The following PCDHA9 variants were observed in gnomAD, a reference collection of about 807,000 sequenced individuals.
PCDHA9 encodes the protein protocadherin alpha 9.
Under a neutral mutation model 62.0 loss-of-function variants are expected in PCDHA9, and 62 were observed. The observed-to-expected ratio is 1.00, with a 90% confidence interval of 0.81 to 1.23. The LOEUF (loss-of-function observed/expected upper bound fraction) is 1.23. Among genes scored for constraint, PCDHA9 ranks in the 50% most tolerant of loss-of-function variants. PCDHA9 has a pLI of 0.00. For missense variants in PCDHA9, 1,205 were observed against 1,249.8 expected, an observed-to-expected ratio of 0.96 and a Z score of 0.54; for synonymous variants, 557 against 567.6, an observed-to-expected ratio of 0.98 and a Z score of 0.27.
chr5:140,941,202 C>CCTTCCTTTCTTTCTTTCTTT lies in PCDHA9; in HGVS notation c.2395-37744_2395-37743insCCTTTCTTTCTTTCTTTCTT, dbSNP rs1554213920. 2.0e-4 allele frequency among the ~76,000 whole-genome samples: 24 copies of CCTTCCTTTCTTTCTTTCTTT among 122,828 alleles called. 1 individual carries two copies. Among genetic ancestry groups the CCTTCCTTTCTTTCTTTCTTT allele is most frequent in the Non-Finnish European group, 2.3e-4 (13 of 55,838 alleles). The allele number at this position is 122,828 out of a possible 152,430, so 80.6% of individuals were successfully genotyped here. A position where few individuals can be genotyped will look rare whatever the true frequency, so the allele number is the denominator to read the frequency against. ...TCCTGCTTCTTTTTTTTTCTTTCTTCCTTTCTTTCTTCCTTTCTTTCTTTC... is the reference window on the plus strand; with the variant it reads ...TCCTGCTTCTTTTTTTTTCTTTCTTCCTTCCTTTCTTTCTTTCTTTCTTTCTTTCTTCCTTTCTTTCTTTC... On this transcript the variant is annotated intron_variant, in intron 1 of 3. Coordinates refer to ENST00000532602, the MANE Select transcript of PCDHA9 (RefSeq NM_031857.2).
In PCDHA9 at chr5:141,011,948, A is replaced by G. The variant is rs1011232437; in HGVS notation, c.*2011A>G. ...TAGGAGTCTGTTATTTAAAAAAAGC[A>G]TTAAATTTAAAAAAAAACTGTCTTG... On this transcript the variant is annotated 3_prime_UTR_variant, in exon 4 of 4. Transcript: ENST00000532602. 3 of 153,698 alleles carry G rather than the reference A, an allele frequency of 2.0e-5. No homozygotes were observed. The highest frequency in any genetic ancestry group is 4.4e-5 in the Non-Finnish European group (3 of 68,026). The allele number at this position is 153,698 out of a possible 1,614,324, so 9.5% of individuals were successfully genotyped here.
chr5:140,938,295 A>G (rs1458865676), intron 1 of PCDHA9, among the ~76,000 whole-genome samples: 1 of 152,190 alleles, frequency 6.6e-6, no homozygotes, highest in Non-Finnish European at 1.5e-5. Context: ...GTCATTGCCT[A>G]TGAAATTCAG....
At chr5:140,914,564 A>AT (rs532022159) in intron 1 of PCDHA9, among the ~76,000 whole-genome samples, 1 of 152,026 alleles carries the variant, frequency 6.6e-6, no homozygotes, top group Non-Finnish European at 1.5e-5. Context: ...AGTTTAGTCC[A>AT]TTTACATTCA....
chr5:140,910,976 A>G (rs1265082758), intron 1 of PCDHA9, among the ~76,000 whole-genome samples: 1 of 152,058 alleles, frequency 6.6e-6, no homozygotes, highest in Non-Finnish European at 1.5e-5. Context: ...CTCATGGGTT[A>G]TACTCTGAAC....
rs2044359336 is a variant in PCDHA9 at position 140,857,099 on chromosome 5, G to A, written c.2394+6210G>A. On this transcript the variant is annotated intron_variant, in intron 1 of 3. Transcript: ENST00000532602. ...AAATGATAATTCACCTGAGGTGATT[G>A]TCACTTCTCTGTCTCTCCCAGTGAA... 2 of 1,597,238 alleles carry A rather than the reference G, an allele frequency of 1.3e-6. No homozygotes were observed. The highest frequency in any genetic ancestry group is 3.4e-5 in the Admixed American group (2 of 59,246).
chr5:140,870,785 C>T, intron 1 of PCDHA9: 1 of 1,613,662 alleles, frequency 6.2e-7, no homozygotes, highest in East Asian at 2.2e-5. Context: ...AACGACAACG[C>T]GCCGGCACTG....
Position 140,857,922 on chromosome 5 carries a change from T to C in PCDHA9, c.2394+7033T>C, listed in dbSNP as rs782519535. On this transcript the variant is annotated intron_variant, in intron 1 of 3. Coordinates refer to ENST00000532602, the MANE Select transcript of PCDHA9 (RefSeq NM_031857.2). Reference sequence around the variant, plus strand: ...GCACGCATCCCGTTTCGCGTGGGGCTGTACACGGGCGAGATCAGTACGACG... The same window carrying C: ...GCACGCATCCCGTTTCGCGTGGGGCCGTACACGGGCGAGATCAGTACGACG... The C allele has an allele frequency of 1.9e-6, 3 of 1,597,722 alleles. No homozygotes were observed. The South Asian group carries it at 3.3e-5, about 18-fold the overall frequency.
intron 1 of PCDHA9, among the ~76,000 whole-genome samples, chr5:140,893,391 G>A (rs1481818388): frequency 6.6e-6 from 1 of 152,158 alleles, no homozygotes; most frequent in Non-Finnish European, 1.5e-5. Context: ...AGTGGCTCAT[G>A]CCTGTAATCC....
At chr5:140,988,805 C>T (rs782160959) in intron 3 of PCDHA9, 8 of 152,232 alleles carry the variant, frequency 5.3e-5, no homozygotes, top group African/African-American at 1.4e-4. Context: ...GAATTTCTTC[C>T]GTAACAGTAG....
chr5:140,851,638 T>C, intron 1 of PCDHA9: 1 of 915,858 alleles, frequency 1.1e-6, no homozygotes, highest in Non-Finnish European at 1.3e-6. Flanking sequence ...AAGTGTTTCC[T>C]TTCTTCAAGA....
intron 3 of PCDHA9, among the ~76,000 whole-genome samples, chr5:140,994,578 A>C (rs1563601392): frequency 6.6e-6 from 1 of 151,958 alleles, no homozygotes; most frequent in Non-Finnish European, 1.5e-5. Context: ...GGTGGCATGC[A>C]CTTGTAGTCT....
chr5:140,882,769 A>C, intron 1 of PCDHA9: 1 of 1,614,242 alleles, frequency 6.2e-7, no homozygotes, highest in Admixed American at 1.7e-5. Context: ...TAAACTCGGC[A>C]TTGACCTACC....
At chr5:140,958,888 A>G (rs1563299951) in intron 1 of PCDHA9, among the ~76,000 whole-genome samples, 3 of 152,040 alleles carry the variant, frequency 2.0e-5, no homozygotes, top group African/African-American at 7.2e-5. Flanking sequence ...ACCAGTAGCT[A>G]TATAATAGAT....
intron 1 of PCDHA9, among the ~76,000 whole-genome samples, chr5:140,881,790 G>T (rs2058832674): frequency 6.6e-6 from 1 of 152,164 alleles, no homozygotes; most frequent in Non-Finnish European, 1.5e-5. Context: ...CCGATCAATT[G>T]TCCCAAAACG....
At chr5:140,990,367 A>G (rs1162635749) in intron 3 of PCDHA9, among the ~76,000 whole-genome samples, 1 of 152,104 alleles carries the variant, frequency 6.6e-6, no homozygotes, top group Non-Finnish European at 1.5e-5. Context: ...AATCTAATAA[A>G]GCAAATTTGT....
At chr5:140,887,253 C>T (rs1045921651) in intron 1 of PCDHA9, among the ~76,000 whole-genome samples, 3 of 151,962 alleles carry the variant, frequency 2.0e-5, no homozygotes, top group Admixed American at 6.6e-5. Flanking sequence ...CCCGCCACCA[C>T]GCCCTGCTAA....
chr5:140,873,318 G>A (rs1164778902), intron 1 of PCDHA9, among the ~76,000 whole-genome samples: 1 of 152,168 alleles, frequency 6.6e-6, no homozygotes, highest in Non-Finnish European at 1.5e-5. Context: ...GTGAATATTA[G>A]ATAGGGCATA....
At chr5:140,994,065 T>A (rs1563596985) in intron 3 of PCDHA9, among the ~76,000 whole-genome samples, 1 of 152,092 alleles carries the variant, frequency 6.6e-6, no homozygotes, top group Non-Finnish European at 1.5e-5. Context: ...ATAAATCTAA[T>A]GGTGAAGGGA....
intron 1 of PCDHA9, among the ~76,000 whole-genome samples, chr5:140,885,790 G>T (rs141648269): frequency 0.012 from 1,822 of 152,058 alleles, 11 homozygotes; most frequent in Non-Finnish European, 0.018. Context: ...TGAGCATATT[G>T]TCATATGTAT....
Sources: allele counts gnomAD v4.1 joint callset (sites outside exome capture counted in the v4.1 genomes callset), GRCh38; gene constraint gnomAD v4.1.1; transcripts MANE v1.5; gene names NCBI Gene and HGNC (gene_info 2026-07-23, HGNC 2026-07-21).